Variants in CHN1 observed in about 807,000 individuals in gnomAD.
CHN1 encodes N-chimaerin.
Under a neutral mutation model 59.5 loss-of-function variants are expected in CHN1, and 37 were observed. The observed-to-expected ratio is 0.62, with a 90% CI of 0.48 to 0.82. The LOEUF (loss-of-function observed/expected upper bound fraction) is 0.82, where lower values mean the gene tolerates loss of function less well. CHN1 is among the 40% of genes least tolerant of loss of function. The pLI, the probability that CHN1 is intolerant of heterozygous loss-of-function variation, is 0.00. For synonymous variants in CHN1, 206 were observed against 200.4 expected (o/e 1.03, Z -0.24); for missense variants, 469 against 571.0 (o/e 0.82, Z 1.82).
chr2:174,945,954 T>A (rs1689821841), intron 2 of CHN1, among the ~76,000 whole-genome samples: 1 of 151,772 alleles, frequency 6.6e-6, no homozygotes, highest in Admixed American at 6.6e-5. Flanking sequence ...AATGTGTGTG[T>A]ATATATATAC....
intron 7 of CHN1, among the ~76,000 whole-genome samples, chr2:174,828,859 C>T (rs910949597): frequency 6.6e-6 from 1 of 152,106 alleles, no homozygotes; most frequent in East Asian, 1.9e-4. Context: ...GCCACACCCC[C>T]TAGAAATCTG....
chr2:174,840,920 G>T (rs1050211355), intron 7 of CHN1, among the ~76,000 whole-genome samples: 1 of 152,032 alleles, frequency 6.6e-6, no homozygotes, highest in Admixed American at 6.6e-5. Flanking sequence ...GAATGGAAGA[G>T]ACAAAAAACA....
At chr2:174,807,345 C>A (rs1479174145) in intron 11 of CHN1, among the ~76,000 whole-genome samples, 1 of 152,104 alleles carries the variant, frequency 6.6e-6, no homozygotes, top group Non-Finnish European at 1.5e-5. Flanking sequence ...TAGAGCCAAG[C>A]TTCAGTTTTA....
chr2:174,870,111 T>C (rs909211501), intron 6 of CHN1, among the ~76,000 whole-genome samples: 6 of 152,236 alleles, frequency 3.9e-5, no homozygotes, highest in Non-Finnish European at 8.8e-5. Flanking sequence ...ATTTAGTGAA[T>C]GTTCACTGAA....
chr2:174,953,775 A>T (rs1690100908), intron 1 of CHN1, among the ~76,000 whole-genome samples: 3 of 152,156 alleles, frequency 2.0e-5, no homozygotes, highest in Admixed American at 2.0e-4. Flanking sequence ...GCAAAACACT[A>T]CTGAAAGAAA....
At chr2:174,884,217 C>T (rs914828413) in intron 5 of CHN1, among the ~76,000 whole-genome samples, 3 of 151,892 alleles carry the variant, frequency 2.0e-5, no homozygotes, top group Non-Finnish European at 2.9e-5. Flanking sequence ...GTGATCCACC[C>T]ACCTCGGTCT....
intron 1 of CHN1, among the ~76,000 whole-genome samples, chr2:174,974,774 A>G (rs1205024124): frequency 6.6e-6 from 1 of 152,154 alleles, no homozygotes; most frequent in East Asian, 1.9e-4. Context: ...CACAACCATG[A>G]GATTGGTTTC....
In CHN1 at chr2:174,808,973, A is replaced by C; in HGVS notation, c.1034T>G (p.Leu345Arg). Residue 345 changes from leucine to arginine, a missense_variant, in exon 11 of 13, where the codon CTG (leucine) becomes CGG (arginine). Transcript: ENST00000409900. Reference protein sequence around the residue: ...DINIITGALKLYFRDLPIPLI... With the variant: ...DINIITGALKRYFRDLPIPLI... ...TGGAATTGGCAAATCCCTGAAGTAC[A>C]GTTTAAGTGCACCAGTGATAATGTT... is the stretch of plus-strand genomic sequence containing the variant. 1 of 1,613,386 alleles carries C rather than the reference A, an allele frequency of 6.2e-7. No individual in the cohort carries two copies. The highest frequency in any genetic ancestry group is 1.3e-5 in the African/African-American group (1 of 75,036).
intron 1 of CHN1, among the ~76,000 whole-genome samples, chr2:174,990,367 G>A (rs1010081666): frequency 6.6e-6 from 1 of 150,616 alleles, no homozygotes. Context: ...GAGAAGAGAG[G>A]AAGAAATAAA....
chr2:174,908,027 C>CA (rs1249098242), intron 5 of CHN1, among the ~76,000 whole-genome samples: 1 of 152,074 alleles, frequency 6.6e-6, no homozygotes, highest in East Asian at 1.9e-4. Flanking sequence ...AGGAAAGTGC[C>CA]AAGTATTGTA....
chr2:174,843,629 T>C (rs1053076193), intron 7 of CHN1, among the ~76,000 whole-genome samples: 8 of 151,544 alleles, frequency 5.3e-5, no homozygotes, highest in Admixed American at 2.0e-4. Context: ...CATCATAATC[T>C]CTGCAACTGG....
At chr2:174,957,832 T>C (rs1690262092) in intron 1 of CHN1, among the ~76,000 whole-genome samples, 1 of 152,086 alleles carries the variant, frequency 6.6e-6, no homozygotes, top group Non-Finnish European at 1.5e-5. Context: ...AAGATAATTT[T>C]TGTTTGCCTG....
At chr2:174,917,756 T>A (rs1185145501) in intron 4 of CHN1, among the ~76,000 whole-genome samples, 2 of 152,172 alleles carry the variant, frequency 1.3e-5, no homozygotes, top group African/African-American at 4.8e-5. Flanking sequence ...ACATAAAGAA[T>A]TTTAAATAAT....
chr2:174,853,118 G>A (rs1686791793), intron 6 of CHN1, among the ~76,000 whole-genome samples: 1 of 152,104 alleles, frequency 6.6e-6, no homozygotes, highest in South Asian at 2.1e-4. Flanking sequence ...CGAAGAGCTT[G>A]TGCACAGCAA....
In CHN1 at chr2:174,953,687, C is replaced by T. The variant is rs562281819; in HGVS notation, c.20-1485G>A. ...TTATACAAAAGCTGCAAAAAACAAA[C>T]AAAAAACAAAAACAAAAACCAAAAA... On this transcript the variant is annotated intron_variant, in intron 1 of 12. Transcript: ENST00000409900. 5.9e-5 allele frequency among the ~76,000 whole-genome samples: 9 copies of T among 151,890 alleles called. No homozygotes were observed. In the South Asian group the frequency reaches 1.7e-3, roughly 28 times the overall value.
At chr2:174,881,096 T>C (rs1377409339) in intron 5 of CHN1, among the ~76,000 whole-genome samples, 1 of 151,612 alleles carries the variant, frequency 6.6e-6, no homozygotes, top group African/African-American at 2.4e-5. Flanking sequence ...TTAATAACTA[T>C]ATACATATAG....
At chr2:174,879,039 T>G (rs1360264081) in intron 5 of CHN1, among the ~76,000 whole-genome samples, 1 of 152,212 alleles carries the variant, frequency 6.6e-6, no homozygotes, top group African/African-American at 2.4e-5. Context: ...CAACAAGAGC[T>G]GCCAGTGTAA....
intron 8 of CHN1, among the ~76,000 whole-genome samples, chr2:174,817,902 G>T (rs1685335035): frequency 6.6e-6 from 1 of 152,168 alleles, no homozygotes; most frequent in Non-Finnish European, 1.5e-5. Context: ...CTCCCAAAGT[G>T]CTGGGATTAC....
At chr2:174,975,237 G>T (rs1235185955) in intron 1 of CHN1, among the ~76,000 whole-genome samples, 1 of 152,048 alleles carries the variant, frequency 6.6e-6, no homozygotes, top group Non-Finnish European at 1.5e-5. Flanking sequence ...CATCTACTGG[G>T]GGGAAATGGT....
Sources: gnomAD v4.1 joint callset for allele counts (sites outside exome capture counted in the v4.1 genomes callset) on GRCh38, gnomAD v4.1.1 for gene constraint, MANE v1.5 for transcripts, NCBI Gene and HGNC (gene_info 2026-07-23, HGNC 2026-07-21) for gene names.